INPP5A: variants seen among roughly 807,000 people sequenced by gnomAD.
INPP5A encodes the protein inositol polyphosphate-5-phosphatase A.
In INPP5A, 14 loss-of-function variants were observed where a neutral mutation model predicts 65.2. That is an observed-to-expected ratio of 0.21 (90% confidence interval 0.14 to 0.34). INPP5A has a LOEUF of 0.34. Among genes scored for constraint, INPP5A ranks in the 10% least tolerant of loss-of-function variants. The pLI is 1.00. For missense variants in INPP5A, 431 were observed against 545.6 expected (o/e 0.79, Z 2.09); for synonymous variants, 207 against 208.3 (o/e 0.99, Z 0.05).
chr10:132,769,039 G>A (rs1324969039), intron 12 of INPP5A, among the ~76,000 whole-genome samples: 4 of 152,216 alleles, frequency 2.6e-5, no homozygotes, highest in African/African-American at 7.2e-5. Flanking sequence ...GCAGAGCTCC[G>A]GATACAGCCG....
intron 5 of INPP5A, among the ~76,000 whole-genome samples, chr10:132,692,864 A>T (rs1387027553): frequency 6.6e-6 from 1 of 152,254 alleles, no homozygotes; most frequent in East Asian, 1.9e-4. Context: ...AAGAAAAAGC[A>T]TTAGAGAGGG....
intron 3 of INPP5A, among the ~76,000 whole-genome samples, chr10:132,646,609 G>A (rs1034895877): frequency 3.9e-5 from 6 of 152,158 alleles, no homozygotes; most frequent in African/African-American, 1.4e-4. Context: ...CGTGAAGCCC[G>A]CCCTCTGTGT....
intron 2 of INPP5A, among the ~76,000 whole-genome samples, chr10:132,614,236 C>T (rs1296653997): frequency 2.6e-5 from 4 of 152,148 alleles, no homozygotes; most frequent in African/African-American, 7.2e-5. Flanking sequence ...GAGGCCGAAG[C>T]GGGTGGATCA....
At position 132,663,683 on chromosome 10, in the gene INPP5A, C is replaced by T. The variant is rs940194176; in HGVS notation, c.306+13178C>T. On this transcript the variant is annotated intron_variant, in intron 4 of 15. Coordinates refer to ENST00000368594, the MANE Select transcript of INPP5A (RefSeq NM_005539.5). This position sits in a 1 kb window ranked among gnomAD's most constrained non-coding sequence, Gnocchi z 4.5. Reference sequence around the variant, plus strand: ...GGCTGGGGTTGGTTTGCAGTGGAGTCTGTGCCTGTGGCAGCCGTCTGCATG... The same window carrying T: ...GGCTGGGGTTGGTTTGCAGTGGAGTTTGTGCCTGTGGCAGCCGTCTGCATG... Among the ~76,000 whole-genome samples, 2 of 152,240 alleles carry T rather than the reference C, an allele frequency of 1.3e-5. No individual in the cohort carries two copies. The highest frequency in any genetic ancestry group is 4.8e-5 in the African/African-American group (2 of 41,458).
In INPP5A at chr10:132,650,988, G is replaced by A. The variant is rs1044801727; in HGVS notation, c.306+483G>A. Reference sequence around the variant, plus strand: ...GCTGTTCCTCAGGGTGAGCACAGGGGGAGTGGGACAGAGCCTTCCACAGGG... The same window carrying A: ...GCTGTTCCTCAGGGTGAGCACAGGGAGAGTGGGACAGAGCCTTCCACAGGG... On this transcript the variant is annotated intron_variant, in intron 4 of 15. Coordinates refer to ENST00000368594, the MANE Select transcript of INPP5A (RefSeq NM_005539.5). This position sits in a 1 kb window ranked among gnomAD's most constrained non-coding sequence, Gnocchi z 5.5. Among the ~76,000 whole-genome samples the A allele has an allele frequency of 1.6e-4, 24 of 152,148 alleles. No homozygotes were observed. Among genetic ancestry groups the A allele is most frequent in the African/African-American group, 5.6e-4 (23 of 41,432 alleles).
intron 11 of INPP5A, among the ~76,000 whole-genome samples, chr10:132,759,668 C>T (rs1332858387): frequency 6.6e-6 from 1 of 151,982 alleles, no homozygotes; most frequent in Non-Finnish European, 1.5e-5. Context: ...TCTCGGGGGT[C>T]CGGCTACAGT....
At chr10:132,692,027 C>G (rs939695050) in intron 5 of INPP5A, among the ~76,000 whole-genome samples, 5 of 152,170 alleles carry the variant, frequency 3.3e-5, no homozygotes, top group African/African-American at 1.2e-4. Flanking sequence ...GGTGTTGCTG[C>G]TGATGCTCAG....
At chr10:132,552,173 G>A (rs1310287266) in intron 1 of INPP5A, among the ~76,000 whole-genome samples, 1 of 150,948 alleles carries the variant, frequency 6.6e-6, no homozygotes, top group African/African-American at 2.4e-5. Flanking sequence ...TAGGGAGGGA[G>A]GATTGGTGAA....
chr10:132,566,143 A>G (rs2071271915), intron 1 of INPP5A, among the ~76,000 whole-genome samples: 1 of 152,160 alleles, frequency 6.6e-6, no homozygotes, highest in Non-Finnish European at 1.5e-5. Context: ...TTGCTCAACG[A>G]TGTTCAAATA....
At position 132,780,895 on chromosome 10, in the gene INPP5A, A is replaced by C. The variant is rs372404909; in HGVS notation, c.1136A>C (p.Asn379Thr). Reference sequence around the variant, plus strand: ...GTCACCTATGACCACATTGGGCCCAACGTCTGCATGGGAGACCACAAGGTG... The same window carrying C: ...GTCACCTATGACCACATTGGGCCCACCGTCTGCATGGGAGACCACAAGGTG... ...KVVTYDHIGP[N>T]VCMGDHKPVF... Residue 379 changes from asparagine (N) to threonine (T), a missense_variant, in exon 14 of 16, where the codon AAC (asparagine) becomes ACC (threonine). Coordinates refer to ENST00000368594, the MANE Select transcript of INPP5A (RefSeq NM_005539.5). 1.3e-6 allele frequency: 2 copies of C among 1,595,260 alleles called. No individual in the cohort carries two copies. The highest frequency in any genetic ancestry group is 2.2e-5 in the South Asian group (2 of 90,804).
At chr10:132,758,182 C>CA (rs1184388252) in intron 11 of INPP5A, among the ~76,000 whole-genome samples, 69 of 96,936 alleles carry the variant, frequency 7.1e-4, no homozygotes, top group Non-Finnish European at 1.3e-3. Context: ...TAGCCCGGCA[C>CA]CATGGCGTGG....
rs1213682000 is a variant in INPP5A at position 132,707,776 on chromosome 10, A to AGTGAGAGGCATCGGTGG, written c.475-515_475-499dup. Among the ~76,000 whole-genome samples the AGTGAGAGGCATCGGTGG allele has an allele frequency of 4.6e-5, 7 of 152,088 alleles. No homozygotes were observed. The highest frequency in any genetic ancestry group is 1.9e-4 in the East Asian group (1 of 5,190). The stretch of plus-strand genomic sequence containing the variant: ...GTGGCTCTGCTAGGTGGTGGGGATC[A>AGTGAGAGGCATCGGTGG]GTGAGAGGCATCGGTGGGTGAGAGG... On this transcript the variant is annotated intron_variant, in intron 6 of 15. Coordinates refer to ENST00000368594, the MANE Select transcript of INPP5A (RefSeq NM_005539.5). This position sits in a 1 kb window ranked among gnomAD's most constrained non-coding sequence, Gnocchi z 5.5.
intron 4 of INPP5A, among the ~76,000 whole-genome samples, chr10:132,671,597 G>C (rs1254492400): frequency 6.6e-6 from 1 of 152,234 alleles, no homozygotes; most frequent in Non-Finnish European, 1.5e-5. Context: ...CCAAGGATGT[G>C]TTGGGGCCGT....
chr10:132,656,286 T>A (rs1350599355), intron 4 of INPP5A, among the ~76,000 whole-genome samples: 1 of 152,254 alleles, frequency 6.6e-6, no homozygotes, highest in Non-Finnish European at 1.5e-5. Context: ...ACTCTCCTCT[T>A]CATCCACCCA....
At chr10:132,677,497 C>T (rs750066854) in intron 4 of INPP5A, among the ~76,000 whole-genome samples, 1 of 152,232 alleles carries the variant, frequency 6.6e-6, no homozygotes, top group Non-Finnish European at 1.5e-5. Context: ...GACTTTGCCC[C>T]CGCAGTGTGA....
intron 1 of INPP5A, among the ~76,000 whole-genome samples, chr10:132,570,047 A>G (rs1283665239): frequency 5.7e-4 from 69 of 120,772 alleles, no homozygotes; most frequent in South Asian, 1.7e-3. Flanking sequence ...TGATCCACTC[A>G]CCTCAGTCTC....
intron 9 of INPP5A, among the ~76,000 whole-genome samples, chr10:132,747,059 G>GT (rs1234839073): frequency 6.6e-6 from 1 of 152,254 alleles, no homozygotes; most frequent in Non-Finnish European, 1.5e-5. Flanking sequence ...TTTTTAAACA[G>GT]TTTCCCGCAG....
chr10:132,613,360 G>A (rs985974960), intron 2 of INPP5A, among the ~76,000 whole-genome samples: 3 of 152,052 alleles, frequency 2.0e-5, no homozygotes, highest in African/African-American at 7.2e-5. Context: ...CCTGCTGGGC[G>A]GTTTGTGGGA....
At chr10:132,719,912 T>G (rs1381345428) in intron 8 of INPP5A, among the ~76,000 whole-genome samples, 1 of 150,460 alleles carries the variant, frequency 6.6e-6, no homozygotes, top group East Asian at 2.0e-4. Flanking sequence ...GTACCTGGGT[T>G]CTGTCTGGGC....
Sources: gnomAD v4.1 joint callset for allele counts (sites outside exome capture counted in the v4.1 genomes callset) on GRCh38, gnomAD v4.1.1 for gene constraint, Gnocchi (gnomAD v3.1) non-coding constraint, MANE v1.5 for transcripts, NCBI Gene and HGNC (gene_info 2026-07-23, HGNC 2026-07-21) for gene names.